RPTOR: variants seen among roughly 807,000 people sequenced by gnomAD.
RPTOR encodes the protein regulatory-associated protein of mTOR.
RPTOR carries 21 observed loss-of-function variants against 169.9 expected under a neutral mutation model. That is an observed-to-expected ratio of 0.12 (90% CI 0.09 to 0.18). The LOEUF is 0.18. Ranked by LOEUF, RPTOR falls within the 10% of genes least tolerant of loss-of-function variation. The pLI is 1.00. For synonymous variants in RPTOR, 732 were observed against 753.2 expected (o/e 0.97, Z 0.46); for missense variants, 1,133 against 1,855.9 (o/e 0.61, Z 7.16).
chr17:80,611,755 T>A (rs2065272487), intron 1 of RPTOR, among the ~76,000 whole-genome samples: 1 of 60,824 alleles, frequency 1.6e-5, no homozygotes, highest in Non-Finnish European at 3.3e-5. Flanking sequence ...CTTTTATAGC[T>A]GTTTTTTTTT....
At chr17:80,902,060 C>T (rs1172656410) in intron 20 of RPTOR, among the ~76,000 whole-genome samples, 1 of 152,118 alleles carries the variant, frequency 6.6e-6, no homozygotes. Flanking sequence ...TTGATGTCTC[C>T]ATCCTGCTTG....
rs117513300 is a variant in RPTOR at position 80,870,556 on chromosome 17, G to C, written c.1510-9859G>C. Among the ~76,000 whole-genome samples the C allele has an allele frequency of 4.0e-4, 61 of 152,282 alleles. 1 individual carries two copies. In the South Asian group the frequency reaches 0.013, roughly 32 times the overall value. On this transcript the variant is annotated intron_variant, in intron 13 of 33. Coordinates refer to ENST00000306801, the MANE Select transcript of RPTOR (RefSeq NM_020761.3). ...AAACTCAATTCAAAAAATGTGCAAG[G>C]TTAGCTTTCTCTGTCATCCAGCGAT...
At chr17:80,775,572 C>T (rs1409941919) in intron 6 of RPTOR, among the ~76,000 whole-genome samples, 1 of 152,178 alleles carries the variant, frequency 6.6e-6, no homozygotes, top group Non-Finnish European at 1.5e-5. Flanking sequence ...TTCTTTTTAG[C>T]TCAGAAATAC....
At chr17:80,755,952 C>T (rs529703670) in intron 6 of RPTOR, among the ~76,000 whole-genome samples, 4 of 152,104 alleles carry the variant, frequency 2.6e-5, no homozygotes, top group Non-Finnish European at 4.4e-5. Context: ...ACAGCCACTA[C>T]GCAGAGAGAA....
intron 1 of RPTOR, among the ~76,000 whole-genome samples, chr17:80,553,334 C>A (rs1012019089): frequency 6.6e-6 from 1 of 152,194 alleles, no homozygotes; most frequent in African/African-American, 2.4e-5. Context: ...CGACAGGCCG[C>A]CTCTGGATGT....
intron 8 of RPTOR, 32 bp downstream of exon 8, chr17:80,822,333 G>A (rs140169792): frequency 0.011 from 16,958 of 1,605,740 alleles, 137 homozygotes; most frequent in Admixed American, 0.042. Context: ...GGGGAGGGAG[G>A]CTATGGCCTT....
In RPTOR at chr17:80,949,629, G is replaced by A. The variant is rs1038945915; in HGVS notation, c.3370+82G>A. On this transcript the variant is annotated intron_variant, in intron 28 of 33. Coordinates refer to ENST00000306801, the MANE Select transcript of RPTOR (RefSeq NM_020761.3). ...CTCGGAATTCCAAGGCCCTTCTGGGGCTGTCTCTAAACAGGCTGCTCCACC... is the reference window on the plus strand; with the variant it reads ...CTCGGAATTCCAAGGCCCTTCTGGGACTGTCTCTAAACAGGCTGCTCCACC... The A allele has an allele frequency of 3.4e-6, 4 of 1,168,214 alleles. 1 individual carries two copies. In the Admixed American group the frequency reaches 6.8e-5, roughly 20 times the overall value. 72.4% of individuals were successfully genotyped at this position (1,168,214 alleles called of 1,614,324 possible).
intron 21 of RPTOR, among the ~76,000 whole-genome samples, chr17:80,914,959 C>T (rs1273140149): frequency 6.6e-6 from 1 of 152,238 alleles, no homozygotes; most frequent in Non-Finnish European, 1.5e-5. Flanking sequence ...CCCATGGCTG[C>T]CCATGAATCA....
At position 80,885,116 on chromosome 17, in the gene RPTOR, C is replaced by A; in HGVS notation, c.1951C>A (p.Leu651Met). 6.4e-7 allele frequency: 1 copy of A among 1,571,580 alleles called. No homozygotes were observed. ...CAACGTGGCCATGATGCTGGCCCAG[C>A]TGGTCAGCGACGGGAGCCCCATGGT... ...DHNVAMMLAQ[L>M]VSDGSPMVRK... Residue 651 changes from leucine to methionine, a missense_variant, in exon 17 of 34, where the codon CTG becomes ATG. Leu to Met is a conservative substitution (Grantham distance 15). Around this residue, in one of 9 missense-constraint regions of RPTOR, gnomAD observed 150 missense variants for 206.4 expected, o/e 0.73. Coordinates refer to ENST00000306801, the MANE Select transcript of RPTOR (RefSeq NM_020761.3).
chr17:80,731,136 G>A (rs1163284704), intron 5 of RPTOR, among the ~76,000 whole-genome samples: 1 of 152,140 alleles, frequency 6.6e-6, no homozygotes, highest in Non-Finnish European at 1.5e-5. Flanking sequence ...GCCTCAGCCT[G>A]CAAAGTTCTG....
At chr17:80,824,543 C>T (rs1026238246) in intron 9 of RPTOR, among the ~76,000 whole-genome samples, 3 of 152,100 alleles carry the variant, frequency 2.0e-5, no homozygotes, top group Non-Finnish European at 2.9e-5. Flanking sequence ...GCCTTAAATC[C>T]TGTCTCTATT....
At chr17:80,617,468 T>C (rs1281852294) in intron 1 of RPTOR, among the ~76,000 whole-genome samples, 1 of 152,236 alleles carries the variant, frequency 6.6e-6, no homozygotes, top group Non-Finnish European at 1.5e-5. Flanking sequence ...CACTGTTTAA[T>C]ATACGCCATT....
intron 1 of RPTOR, among the ~76,000 whole-genome samples, chr17:80,555,024 ACT>A (rs2084391931): frequency 6.6e-6 from 1 of 152,160 alleles, no homozygotes; most frequent in Admixed American, 6.5e-5. Flanking sequence ...GATAAATGAA[ACT>A]CATAAAAAAG....
chr17:80,788,687 C>T (rs2067017779), intron 6 of RPTOR, among the ~76,000 whole-genome samples: 2 of 152,000 alleles, frequency 1.3e-5, no homozygotes, highest in South Asian at 4.2e-4. Context: ...TGATGTTCTT[C>T]CTCTGTATAT....
intron 2 of RPTOR, among the ~76,000 whole-genome samples, chr17:80,628,415 GGGGTATGTAAT>G (rs1567827145): frequency 6.6e-6 from 1 of 151,984 alleles, no homozygotes; most frequent in African/African-American, 2.4e-5. Flanking sequence ...GTATTTTTTC[GGGGTATGTAAT>G]TTTCTGTTGA....
At chr17:80,751,441 T>C in intron 5 of RPTOR, among the ~76,000 whole-genome samples, 1 of 151,936 alleles carries the variant, frequency 6.6e-6, no homozygotes, top group East Asian at 1.9e-4. Flanking sequence ...CCTCATGGGG[T>C]TGGTAAAAAG....
At chr17:80,917,749 G>A (rs914364988) in intron 21 of RPTOR, among the ~76,000 whole-genome samples, 9 of 152,046 alleles carry the variant, frequency 5.9e-5, no homozygotes, top group Admixed American at 1.3e-4. Flanking sequence ...TGTTGCCACC[G>A]TGATCCCTCC....
intron 17 of RPTOR, among the ~76,000 whole-genome samples, chr17:80,887,086 G>A (rs866206131): frequency 2.0e-5 from 3 of 152,026 alleles, no homozygotes; most frequent in Non-Finnish European, 4.4e-5. Flanking sequence ...AGCTGATAAC[G>A]CCAGCTGGCA....
chr17:80,636,380 C>A lies in RPTOR; in HGVS notation c.266-7348C>A, dbSNP rs73445006. Among the ~76,000 whole-genome samples, 273 of 152,280 alleles carry A rather than the reference C, an allele frequency of 1.8e-3. 2 individuals are homozygous for A. Among genetic ancestry groups the A allele is most frequent in the African/African-American group, 6.1e-3 (252 of 41,542 alleles). ...GTTGTTGCTGCTGTAACAGAATACC[C>A]GAGACTGGGTAATTTACAAACAACA... On this transcript the variant is annotated intron_variant, in intron 2 of 33. Transcript: ENST00000306801.
Sources: allele counts gnomAD v4.1 joint callset (sites outside exome capture counted in the v4.1 genomes callset), GRCh38; gene constraint gnomAD v4.1.1; regional missense constraint gnomAD v4.1.1; transcripts MANE v1.5; gene names NCBI Gene and HGNC (gene_info 2026-07-23, HGNC 2026-07-21).